The following NRXN3 variants were observed in gnomAD, a reference collection of about 807,000 sequenced individuals.
The protein encoded by NRXN3 is neurexin 3.
A neutral mutation model predicts 137.6 loss-of-function variants in NRXN3; 32 were observed. That is an observed-to-expected ratio of 0.23 (90% CI 0.18 to 0.31). The LOEUF (loss-of-function observed/expected upper bound fraction) is 0.31. Among genes scored for constraint, NRXN3 ranks in the 10% least tolerant of loss-of-function variants. The pLI is 1.00. For missense variants in NRXN3, 1,574 were observed against 2,062.5 expected, an observed-to-expected ratio of 0.76 and a Z score of 4.59; for synonymous variants, 798 against 784.5, an observed-to-expected ratio of 1.02 and a Z score of -0.29.
rs368046930 is a variant in NRXN3, at chr14:78,436,779, T to A, written c.757+138919T>A. Among the ~76,000 whole-genome samples the A allele has an allele frequency of 7.2e-5, 11 of 152,202 alleles. 1 individual carries two copies. Among genetic ancestry groups the A allele is most frequent in the Admixed American group, 5.2e-4 (8 of 15,286 alleles). The stretch of plus-strand genomic sequence containing the variant: ...CCCTGCTGCCTTTCAAATTGGGGAG[T>A]GTCAAGTTGATTCTGTCATGATAGT... On this transcript the variant is annotated intron_variant, in intron 4 of 20. Coordinates refer to ENST00000335750, the MANE Select transcript of NRXN3 (RefSeq NM_001330195.2).
At chr14:79,681,681 C>A (rs1469701047) in intron 17 of NRXN3, among the ~76,000 whole-genome samples, 1 of 151,880 alleles carries the variant, frequency 6.6e-6, no homozygotes, top group African/African-American at 2.4e-5. Flanking sequence ...TAGATTCAAA[C>A]TGTTATGAGA....
intron 16 of NRXN3, among the ~76,000 whole-genome samples, chr14:79,623,403 C>T (rs568827531): frequency 9.9e-5 from 15 of 152,282 alleles, no homozygotes; most frequent in African/African-American, 3.4e-4. Context: ...TTCAGCCCAT[C>T]AACTCAGTTT....
At chr14:79,247,721 T>C (rs1033987323) in intron 15 of NRXN3, among the ~76,000 whole-genome samples, 6 of 152,160 alleles carry the variant, frequency 3.9e-5, no homozygotes, top group African/African-American at 1.4e-4. Context: ...ATTATGTATG[T>C]AATTTATGAA....
At chr14:79,620,197 G>A (rs1472559234) in intron 16 of NRXN3, among the ~76,000 whole-genome samples, 2 of 152,130 alleles carry the variant, frequency 1.3e-5, no homozygotes, top group Non-Finnish European at 2.9e-5. Flanking sequence ...AGTGTCCAGA[G>A]AATGATGTAT....
At chr14:79,482,844 C>G (rs1349697913) in intron 16 of NRXN3, among the ~76,000 whole-genome samples, 1 of 152,168 alleles carries the variant, frequency 6.6e-6, no homozygotes, top group Non-Finnish European at 1.5e-5. Flanking sequence ...CACTTTCCTT[C>G]CTACCCCCAG....
intron 15 of NRXN3, among the ~76,000 whole-genome samples, chr14:79,139,536 C>A (rs2058589301): frequency 1.3e-5 from 2 of 152,076 alleles, no homozygotes. Flanking sequence ...CAATATTACA[C>A]CTGTCCTGTA....
chr14:79,520,263 G>A (rs961986049), intron 16 of NRXN3, among the ~76,000 whole-genome samples: 9 of 151,948 alleles, frequency 5.9e-5, no homozygotes, highest in African/African-American at 1.9e-4. Context: ...TATTTTCAAC[G>A]TGATTAACAA....
In NRXN3 at chr14:79,585,682, T is replaced by C. The variant is rs1279799180; in HGVS notation, c.3445-78096T>C. Reference sequence around the variant, plus strand: ...CCTGGCGACAGAGCGAGACTCCATCTTAAAAAAAAAACAAAAAAAAAAAAA... The same window carrying C: ...CCTGGCGACAGAGCGAGACTCCATCCTAAAAAAAAAACAAAAAAAAAAAAA... On this transcript the variant is annotated intron_variant, in intron 16 of 20. Coordinates refer to ENST00000335750, the MANE Select transcript of NRXN3 (RefSeq NM_001330195.2). 1.1e-4 allele frequency among the ~76,000 whole-genome samples: 8 copies of C among 71,408 alleles called. No homozygotes were observed. In the South Asian group the frequency reaches 4.0e-3, roughly 35 times the overall value. The allele number at this position is 71,408 out of a possible 152,430, so 46.8% of individuals were successfully genotyped here. A position where few individuals can be genotyped will look rare whatever the true frequency, so the allele number is the denominator to read the frequency against.
chr14:78,424,442 T>C (rs568675853), intron 4 of NRXN3, among the ~76,000 whole-genome samples: 11 of 152,350 alleles, frequency 7.2e-5, no homozygotes, highest in African/African-American at 2.4e-4. Context: ...CTGGACAGAC[T>C]GTTGGAACAA....
intron 16 of NRXN3, among the ~76,000 whole-genome samples, chr14:79,637,747 T>TTTTTTTTTTTTTTTTTTTTTTTTTTTA (rs1603298457): frequency 6.8e-6 from 1 of 146,866 alleles, no homozygotes; most frequent in South Asian, 2.2e-4. Context: ...TTTTTTTTTT[T>TTTTTTTTTTTTTTTTTTTTTTTTTTTA]GAGATGGAGT....
chr14:79,167,307 G>T (rs570907946), intron 15 of NRXN3, among the ~76,000 whole-genome samples: 78 of 152,104 alleles, frequency 5.1e-4, no homozygotes, highest in Middle Eastern at 6.8e-3. Context: ...TACATGTTAT[G>T]GATGGTTTCT....
At chr14:79,806,731 T>A (rs928979906) in intron 20 of NRXN3, among the ~76,000 whole-genome samples, 2 of 150,780 alleles carry the variant, frequency 1.3e-5, no homozygotes, top group Non-Finnish European at 3.0e-5. Flanking sequence ...TTTTTTTTTT[T>A]AAGAAATTAG....
chr14:78,988,768 T>TAA (rs1416915997), intron 15 of NRXN3, among the ~76,000 whole-genome samples: 1 of 143,648 alleles, frequency 7.0e-6, no homozygotes, highest in East Asian at 2.4e-4. Context: ...TGTGTGTATA[T>TAA]ATATGTGTGT....
intron 15 of NRXN3, among the ~76,000 whole-genome samples, chr14:78,991,321 A>G (rs189888432): frequency 1.5e-4 from 23 of 152,372 alleles, no homozygotes; most frequent in African/African-American, 4.6e-4. Flanking sequence ...GTCGAGTGCC[A>G]TCAAGGAAAC....
intron 10 of NRXN3, among the ~76,000 whole-genome samples, chr14:78,819,399 T>A (rs577647509): frequency 6.6e-6 from 1 of 152,288 alleles, no homozygotes; most frequent in East Asian, 1.9e-4. Context: ...AAAATACATA[T>A]AACAGCTATT....
At chr14:79,403,175 C>T (rs1213246142) in intron 15 of NRXN3, among the ~76,000 whole-genome samples, 4 of 152,064 alleles carry the variant, frequency 2.6e-5, no homozygotes, top group African/African-American at 7.2e-5. Flanking sequence ...ATTTAGAAAT[C>T]TGGAGGCTGG....
intron 19 of NRXN3, among the ~76,000 whole-genome samples, chr14:79,727,028 G>C (rs910456870): frequency 6.6e-6 from 1 of 152,104 alleles, no homozygotes; most frequent in African/African-American, 2.4e-5. Context: ...TATCTGGCAG[G>C]GTAGGTGTTC....
rs146654553 is a variant in NRXN3, at chr14:79,335,803, T to C, written c.3263-131418T>C. 2.0e-5 allele frequency among the ~76,000 whole-genome samples: 3 copies of C among 152,258 alleles called. No individual in the cohort carries two copies. In the East Asian group the frequency reaches 5.8e-4, roughly 29 times the overall value. On this transcript the variant is annotated intron_variant, in intron 15 of 20. Coordinates refer to ENST00000335750, the MANE Select transcript of NRXN3 (RefSeq NM_001330195.2). ...CATTTAGTTAAGTGCAGTCCTACCATGTCTAGAACCCCCTTCTATTCTGCC... is the reference window on the plus strand; with the variant it reads ...CATTTAGTTAAGTGCAGTCCTACCACGTCTAGAACCCCCTTCTATTCTGCC...
chr14:78,334,340 G>T lies in NRXN3; in HGVS notation c.757+36480G>T, dbSNP rs116309313. ...CCAGAATCACTTCTTTCCTGTGAGA[G>T]TTTCCTAACTTTGTGTCAGAACTCA... is the stretch of plus-strand genomic sequence containing the variant. On this transcript the variant is annotated intron_variant, in intron 4 of 20. Coordinates refer to ENST00000335750, the MANE Select transcript of NRXN3 (RefSeq NM_001330195.2). Among the ~76,000 whole-genome samples the T allele has an allele frequency of 5.1e-3, 778 of 152,222 alleles. 5 individuals carry two copies. Among genetic ancestry groups the T allele is most frequent in the African/African-American group, 0.018 (741 of 41,534 alleles).
Sources: gnomAD v4.1 joint callset for allele counts (sites outside exome capture counted in the v4.1 genomes callset) on GRCh38, gnomAD v4.1.1 for gene constraint, MANE v1.5 for transcripts, NCBI Gene and HGNC (gene_info 2026-07-23, HGNC 2026-07-21) for gene names.